The following ATF7IP variants were observed in gnomAD, a reference collection of about 807,000 sequenced individuals.
The protein encoded by ATF7IP is activating transcription factor 7 interacting protein.
A neutral mutation model predicts 106.4 loss-of-function variants in ATF7IP; 23 were observed. That is an observed-to-expected ratio of 0.22 (90% CI 0.16 to 0.31). ATF7IP has a LOEUF of 0.31. Among genes scored for constraint, ATF7IP ranks in the 10% least tolerant of loss-of-function variants. ATF7IP has a pLI of 1.00. For missense variants in ATF7IP, 1,334 were observed against 1,524.3 expected, an observed-to-expected ratio of 0.88 and a Z score of 2.08; for synonymous variants, 542 against 539.0, an observed-to-expected ratio of 1.01 and a Z score of -0.08.
At position 14,477,361 on chromosome 12, in the gene ATF7IP, T is replaced by C. The variant is rs1003629860; in HGVS notation, c.2942-956T>C. Among the ~76,000 whole-genome samples the C allele has an allele frequency of 1.4e-4, 21 of 152,230 alleles. 1 individual carries two copies. The highest frequency in any genetic ancestry group is 4.1e-4 in the African/African-American group (17 of 41,458). ...GAACTCAAGCCAGTATGATTATTCT[T>C]TAAAAGTTTCAAATTATCTCTATTG... On this transcript the variant is annotated intron_variant, in intron 11 of 14. Transcript: ENST00000261168.
intron 2 of ATF7IP, among the ~76,000 whole-genome samples, chr12:14,428,976 A>G (rs1165689349): frequency 6.6e-6 from 1 of 152,216 alleles, no homozygotes; most frequent in Admixed American, 6.5e-5. Flanking sequence ...ATAGCAAAAT[A>G]AAGATTTATC....
intron 9 of ATF7IP, among the ~76,000 whole-genome samples, chr12:14,464,112 C>T (rs961547740): frequency 1.3e-5 from 2 of 152,038 alleles, no homozygotes; most frequent in Non-Finnish European, 1.5e-5. Flanking sequence ...CAGGAGCTCG[C>T]CACCAGCCTT....
At position 14,496,218 on chromosome 12, in the gene ATF7IP, T is replaced by G. The variant is rs754681085; in HGVS notation, c.3281-13T>G. On this transcript the variant is annotated splice_polypyrimidine_tract_variant and intron_variant, in intron 13 of 14. Coordinates refer to ENST00000261168, the MANE Select transcript of ATF7IP (RefSeq NM_018179.5). The stretch of plus-strand genomic sequence containing the variant: ...TTATCATTTTATCCTGTAATTTTTT[T>G]GTTTGTTTGTAGGTGTTACAGTTCG... The G allele has an allele frequency of 4.0e-6, 6 of 1,512,636 alleles. No homozygotes were observed. The allele number at this position is 1,512,636 out of a possible 1,614,324, so 93.7% of individuals were successfully genotyped here.
intron 1 of ATF7IP, among the ~76,000 whole-genome samples, chr12:14,408,115 T>TGCAC (rs2136487962): frequency 2.8e-5 from 1 of 36,042 alleles, no homozygotes. Context: ...GATATTGATG[T>TGCAC]GCACACACAC....
In ATF7IP at chr12:14,460,678, T is replaced by G; in HGVS notation, c.2342T>G (p.Leu781Trp). The G allele has an allele frequency of 6.2e-7, 1 of 1,614,206 alleles. No homozygotes were observed. The highest frequency in any genetic ancestry group is 2.2e-5 in the East Asian group (1 of 44,888). The change falls in exon 9 of 15, where the codon TTG becomes TGG. Residue 781 changes from leucine to tryptophan, a missense_variant. Leu to Trp is a moderately conservative substitution (Grantham distance 61, BLOSUM62 -2). Transcript: ENST00000261168. The part of the protein sequence containing the change: ...NPQPTISLQP[L>W]PVILHVPVAV... ...CAGCCTACAATCTCTTTACAGCCTT[T>G]GCCAGTGATTTTGCATGTACCTGTT...
intron 1 of ATF7IP, among the ~76,000 whole-genome samples, chr12:14,400,183 CTG>C (rs1940112480): frequency 6.6e-6 from 1 of 152,122 alleles, no homozygotes; most frequent in Admixed American, 6.5e-5. Flanking sequence ...CGCCTTGTCT[CTG>C]TGTAAGTGAG....
intron 10 of ATF7IP, among the ~76,000 whole-genome samples, chr12:14,468,094 G>A (rs552900123): frequency 9.2e-5 from 14 of 151,484 alleles, no homozygotes; most frequent in South Asian, 8.3e-4. Context: ...TGGGGAAACC[G>A]CAACTCTACT....
At position 14,460,989 on chromosome 12, in the gene ATF7IP, A is replaced by G; in HGVS notation, c.2653A>G (p.Thr885Ala). Residue 885 changes from threonine (T) to alanine (A), a missense_variant, in exon 9 of 15, where the codon ACA becomes GCA. Thr to Ala is a moderately conservative substitution (Grantham distance 58). Coordinates refer to ENST00000261168, the MANE Select transcript of ATF7IP (RefSeq NM_018179.5). ...VPTAHSIVQA[T>A]RTSLPTVGPS... Reference sequence around the variant, plus strand: ...AACAGCACACTCTATTGTACAAGCCACAAGGACTTCTTTACCCACAGTGGG... The same window carrying G: ...AACAGCACACTCTATTGTACAAGCCGCAAGGACTTCTTTACCCACAGTGGG... 6.2e-7 allele frequency: 1 copy of G among 1,614,190 alleles called. No homozygotes were observed. Among genetic ancestry groups the G allele is most frequent in the South Asian group, 1.1e-5 (1 of 91,092 alleles).
At chr12:14,458,816 T>G (rs1032383217) in intron 8 of ATF7IP, among the ~76,000 whole-genome samples, 15 of 151,764 alleles carry the variant, frequency 9.9e-5, no homozygotes, top group Non-Finnish European at 2.1e-4. Flanking sequence ...GAGGCAAACC[T>G]TGTCTTAGAA....
intron 6 of ATF7IP, 114 bp from the exon 7 acceptor site, chr12:14,456,447 A>G: frequency 4.5e-6 from 3 of 669,108 alleles, no homozygotes; most frequent in Non-Finnish European, 7.8e-6. Flanking sequence ...GTTTCCCATT[A>G]TATTAGAACA....
chr12:14,478,563 T>G lies in ATF7IP; in HGVS notation c.3097+91T>G. On this transcript the variant is annotated intron_variant, in intron 12 of 14. Transcript: ENST00000261168. ...TAAGTGGAAAGATAAGACAGAAAAT[T>G]AATATTCATCTTGTTAATTTGAGGA... 15 of 1,437,600 alleles carry G rather than the reference T, an allele frequency of 1.0e-5. No homozygotes were observed. In the South Asian group the frequency reaches 1.9e-4, roughly 18 times the overall value. 89.1% of individuals were successfully genotyped at this position (1,437,600 alleles called of 1,614,324 possible).
chr12:14,479,277 C>T (rs1199868782), intron 12 of ATF7IP, among the ~76,000 whole-genome samples: 1 of 152,150 alleles, frequency 6.6e-6, no homozygotes, highest in Non-Finnish European at 1.5e-5. Context: ...TTAAATGTGT[C>T]TTATCTTGAA....
intron 13 of ATF7IP, among the ~76,000 whole-genome samples, chr12:14,492,118 C>T (rs1380821020): frequency 2.0e-5 from 3 of 152,156 alleles, no homozygotes; most frequent in South Asian, 2.1e-4. Context: ...CTAAGTATGT[C>T]GATGCCAATT....
At chr12:14,451,876 G>A (rs1468101029) in intron 6 of ATF7IP, among the ~76,000 whole-genome samples, 1 of 152,120 alleles carries the variant, frequency 6.6e-6, no homozygotes, top group East Asian at 1.9e-4. Context: ...GGTCCAATTA[G>A]CATATAGTGT....
At chr12:14,434,091 T>C (rs1490020505) in intron 2 of ATF7IP, among the ~76,000 whole-genome samples, 1 of 152,216 alleles carries the variant, frequency 6.6e-6, no homozygotes, top group Non-Finnish European at 1.5e-5. Context: ...TTTAAATTAC[T>C]TAAAATCTAT....
At chr12:14,419,708 CTG>C (rs1186789840) in intron 1 of ATF7IP, among the ~76,000 whole-genome samples, 1 of 151,904 alleles carries the variant, frequency 6.6e-6, no homozygotes, top group Admixed American at 6.5e-5. Flanking sequence ...AAATTTTAGT[CTG>C]TAATTAAAAA....
At chr12:14,414,144 T>C (rs1941072112) in intron 1 of ATF7IP, among the ~76,000 whole-genome samples, 1 of 152,214 alleles carries the variant, frequency 6.6e-6, no homozygotes, top group African/African-American at 2.4e-5. Flanking sequence ...TGCCAAGCTT[T>C]TTAGAATATG....
At chr12:14,438,078 T>C in intron 4 of ATF7IP, 52 bp from the exon 5 acceptor site, 1 of 1,572,028 alleles carries the variant, frequency 6.4e-7, no homozygotes, top group Non-Finnish European at 8.7e-7. Context: ...TTACTGTTTA[T>C]TGCTTGCTGG....
In ATF7IP at chr12:14,496,343, T is replaced by C; in HGVS notation, c.3393T>C (p.Thr1131=). ...TVHHRPPQVH[T]EPPRPVHPAP... is the part of the protein sequence containing the mutation. The stretch of plus-strand genomic sequence containing the variant: ...ATCACCGACCACCACAAGTGCATAC[T>C]GTAAGTGTTGATGCTTGGTTTTGCA... Residue 1131 remains threonine, a splice_region_variant and synonymous_variant, in exon 14 of 15, where the codon ACT becomes ACC. Coordinates refer to ENST00000261168, the MANE Select transcript of ATF7IP (RefSeq NM_018179.5). 1.2e-6 allele frequency: 2 copies of C among 1,607,954 alleles called. No homozygotes were observed. Among genetic ancestry groups the C allele is most frequent in the East Asian group, 4.5e-5 (2 of 44,796 alleles).
Sources: gnomAD v4.1 joint callset for allele counts (sites outside exome capture counted in the v4.1 genomes callset) on GRCh38, gnomAD v4.1.1 for gene constraint, MANE v1.5 for transcripts, NCBI Gene and HGNC (gene_info 2026-07-23, HGNC 2026-07-21) for gene names.